The following CEP41 variants were observed in gnomAD, a reference collection of about 807,000 sequenced individuals.
The protein encoded by CEP41 is centrosomal protein 41.
In CEP41, 32 loss-of-function variants were observed where a neutral mutation model predicts 44.3. The ratio of observed to expected loss-of-function variants is 0.72; its 90% CI spans 0.54 to 0.97. The LOEUF (loss-of-function observed/expected upper bound fraction) is 0.97, where lower values mean the gene tolerates loss of function less well. Ranked by LOEUF, CEP41 falls within the 50% of genes least tolerant of loss-of-function variation. The pLI is 0.00. For missense variants in CEP41, 432 were observed against 455.2 expected (o/e 0.95, Z 0.46); for synonymous variants, 151 against 168.5 (o/e 0.90, Z 0.80).
intron 2 of CEP41, among the ~76,000 whole-genome samples, chr7:130,417,562 C>G (rs1341161293): frequency 1.3e-5 from 2 of 152,200 alleles, no homozygotes; most frequent in Non-Finnish European, 2.9e-5. Flanking sequence ...ATTCTTGAAA[C>G]TGCAGAGAGG....
chr7:130,441,356 A>C, upstream of CEP41: 1 of 390,784 alleles, frequency 2.6e-6, no homozygotes, highest in Non-Finnish European at 4.9e-6. Flanking sequence ...GGAACCATAA[A>C]TACAACACAA....
intron 1 of CEP41, among the ~76,000 whole-genome samples, chr7:130,438,497 T>G (rs1798043948): frequency 6.6e-6 from 1 of 152,104 alleles, no homozygotes; most frequent in Non-Finnish European, 1.5e-5. Flanking sequence ...AGGTGGAGGT[T>G]GCAGTGAGCT....
upstream of CEP41, chr7:130,441,120 C>T: frequency 1.2e-6 from 1 of 807,312 alleles, no homozygotes; most frequent in Non-Finnish European, 2.1e-6. Context: ...CCCGTTTACT[C>T]TCTCATCTCA....
chr7:130,398,392 G>T lies in CEP41; in HGVS notation c.*499C>A, dbSNP rs1554415791. On this transcript the variant is annotated 3_prime_UTR_variant, in exon 11 of 11. Transcript: ENST00000223208. ...CCTGCTGGGGTGGGGTCTGCAGGCG[G>T]CTGGAACCTAAGGCTCATCTGCACC... 2 of 454,044 alleles carry T rather than the reference G, an allele frequency of 4.4e-6. No homozygotes were observed. Among genetic ancestry groups the T allele is most frequent in the Non-Finnish European group, 8.8e-6 (2 of 226,802 alleles). The allele number at this position is 454,044 out of a possible 1,614,324, so 28.1% of individuals were successfully genotyped here.
chr7:130,411,473 C>T (rs1797180279), intron 4 of CEP41, among the ~76,000 whole-genome samples: 2 of 152,144 alleles, frequency 1.3e-5, no homozygotes, highest in African/African-American at 2.4e-5. Context: ...GAGTTTAAAA[C>T]CACATCTGTA....
chr7:130,417,142 T>C, intron 2 of CEP41, 176 bp from the exon 3 acceptor site: 1 of 1,419,512 alleles, frequency 7.0e-7, no homozygotes, highest in Non-Finnish European at 9.2e-7. Context: ...ACAGCGTTAT[T>C]AAAAGTTGCA....
At chr7:130,435,306 A>G (rs1371037539) in intron 1 of CEP41, among the ~76,000 whole-genome samples, 1 of 152,184 alleles carries the variant, frequency 6.6e-6, no homozygotes, top group Non-Finnish European at 1.5e-5. Flanking sequence ...AGGAAAAAAC[A>G]AAAAGCAGTA....
intron 1 of CEP41, chr7:130,440,603 C>T: frequency 1.9e-6 from 1 of 524,386 alleles, no homozygotes; most frequent in South Asian, 2.1e-5. Flanking sequence ...TAGTGTGCAG[C>T]GCTTCCTTTG....
At chr7:130,420,394 G>A (rs996946628) in intron 2 of CEP41, 1 of 151,180 alleles carries the variant, frequency 6.6e-6, no homozygotes, top group Non-Finnish European at 1.5e-5. Context: ...CAGCACTTTG[G>A]GAGACTGAGG....
intron 2 of CEP41, among the ~76,000 whole-genome samples, chr7:130,422,691 T>C (rs1554422465): frequency 6.6e-6 from 1 of 152,108 alleles, no homozygotes; most frequent in Non-Finnish European, 1.5e-5. Flanking sequence ...AATCGAACAC[T>C]AGAATAAGAT....
At chr7:130,428,042 T>C (rs1468996501) in intron 1 of CEP41, 24 bp from the exon 2 acceptor site, 1 of 1,444,198 alleles carries the variant, frequency 6.9e-7, no homozygotes, top group Non-Finnish European at 9.8e-7. Flanking sequence ...AAATTCACAA[T>C]TAATTGGGTT....
intron 2 of CEP41, chr7:130,417,366 A>G: frequency 9.1e-7 from 1 of 1,093,642 alleles, no homozygotes; most frequent in Non-Finnish European, 1.1e-6. Context: ...GTGTTCTTTG[A>G]GTGTCTAAAA....
chr7:130,419,211 T>A, intron 2 of CEP41: 1 of 985,392 alleles, frequency 1.0e-6, no homozygotes, highest in Non-Finnish European at 1.2e-6. Context: ...TCAGACCAAA[T>A]CTGAGAGGAC....
At chr7:130,417,338 A>T in intron 2 of CEP41, 24 of 1,086,786 alleles carry the variant, frequency 2.2e-5, no homozygotes, top group Non-Finnish European at 2.6e-5. Flanking sequence ...TACACAGAAG[A>T]GGAGCAAAAA....
chr7:130,426,195 T>C (rs1363768069), intron 2 of CEP41, among the ~76,000 whole-genome samples: 1 of 152,204 alleles, frequency 6.6e-6, no homozygotes, highest in Non-Finnish European at 1.5e-5. Context: ...ACAAAATATA[T>C]ATGTATCTAC....
chr7:130,399,314 T>C (rs1191845764), intron 10 of CEP41: 1 of 481,378 alleles, frequency 2.1e-6, no homozygotes, highest in Non-Finnish European at 3.8e-6. Flanking sequence ...CCTCCACTAC[T>C]TCCTTGGTAG....
rs1797505959 is a variant in CEP41, at chr7:130,421,446, TA to T, written c.98-4481del. 3.8e-5 allele frequency: 37 copies of T among 985,398 alleles called. No homozygotes were observed. The South Asian group carries it at 1.6e-3, about 41-fold the overall frequency. The allele number at this position is 985,398 out of a possible 1,614,324, so 61.0% of individuals were successfully genotyped here. ...AACCTCAATAAGTGATATGTGTGTATAGTGCTTTCTGGTTTATAAAAGCCTT... is the reference window on the plus strand; with the variant it reads ...AACCTCAATAAGTGATATGTGTGTATGTGCTTTCTGGTTTATAAAAGCCTT... On this transcript the variant is annotated intron_variant, in intron 2 of 10. Coordinates refer to ENST00000223208, the MANE Select transcript of CEP41 (RefSeq NM_018718.3).
intron 6 of CEP41, 102 bp downstream of exon 6, chr7:130,404,446 GAGACTTTACTCCTGCC>G: frequency 1.3e-6 from 1 of 791,256 alleles, no homozygotes; most frequent in South Asian, 1.5e-5. Context: ...ATTAAAATGT[GAGACTTTACTCCTGCC>G]AGTTCTGTTT....
rs1554415547 is a variant in CEP41 at position 130,397,975 on chromosome 7, G to C, written c.*916C>G. The C allele has an allele frequency of 2.2e-6, 1 of 454,388 alleles. No homozygotes were observed. Among genetic ancestry groups the C allele is most frequent in the African/African-American group, 2.0e-5 (1 of 50,000 alleles). 28.1% of individuals were successfully genotyped at this position (454,388 alleles called of 1,614,324 possible). ...GTCAGCCCTGACAAAGGACTTCGGA[G>C]TCCTCTTCACCTTGTGTGTCCACAG... On this transcript the variant is annotated 3_prime_UTR_variant, in exon 11 of 11. Coordinates refer to ENST00000223208, the MANE Select transcript of CEP41 (RefSeq NM_018718.3).
Sources: allele counts gnomAD v4.1 joint callset (sites outside exome capture counted in the v4.1 genomes callset), GRCh38; gene constraint gnomAD v4.1.1; transcripts MANE v1.5; gene names NCBI Gene and HGNC (gene_info 2026-07-23, HGNC 2026-07-21).